The following ZNF438 variants were observed in gnomAD, a reference collection of about 807,000 sequenced individuals.
The protein encoded by ZNF438 is zinc finger protein 438.
In ZNF438, 25 loss-of-function variants were observed where a neutral mutation model predicts 38.0. The observed-to-expected ratio is 0.66, with a 90% CI of 0.48 to 0.92. The LOEUF is 0.92. ZNF438 is among the 40% of genes least tolerant of loss of function. The probability of loss-of-function intolerance (pLI) is 0.00; values close to 1 mark genes in which losing one functional copy is unlikely to be tolerated. For synonymous variants in ZNF438, 372 were observed against 364.1 expected (o/e 1.02, Z -0.25); for missense variants, 1,007 against 999.6 (o/e 1.01, Z -0.10).
In ZNF438 at chr10:30,933,772, C is replaced by T. The variant is rs552137021; in HGVS notation, c.-115+7803G>A. On this transcript the variant is annotated intron_variant, in intron 2 of 5. Transcript: ENST00000413025. ...CATGTCTACTGCCCCTTACACTTCA[C>T]TTGACCTGGCCCCAATTGCAGCTAC... 3.3e-5 allele frequency among the ~76,000 whole-genome samples: 5 copies of T among 152,282 alleles called. No homozygotes were observed. The South Asian group carries it at 6.2e-4, about 19-fold the overall frequency.
intron 3 of ZNF438, among the ~76,000 whole-genome samples, chr10:30,902,051 T>C (rs530966844): frequency 1.3e-5 from 2 of 152,242 alleles, no homozygotes; most frequent in South Asian, 2.1e-4. Flanking sequence ...AAAGGCAGTG[T>C]GGACCCAAAG....
intron 1 of ZNF438, among the ~76,000 whole-genome samples, chr10:31,005,020 T>C (rs1589687317): frequency 6.6e-6 from 1 of 152,292 alleles, no homozygotes; most frequent in African/African-American, 2.4e-5. Context: ...GGAATGCAGA[T>C]CAGTGCGGCC....
intron 4 of ZNF438, among the ~76,000 whole-genome samples, chr10:30,860,927 G>A (rs1470782952): frequency 6.6e-6 from 1 of 152,062 alleles, no homozygotes; most frequent in Non-Finnish European, 1.5e-5. Context: ...GGCCCAGAGT[G>A]GGGTTAGGGA....
At chr10:30,844,804 T>C in exon 6 of ZNF438, 1 of 951,574 alleles carries the variant, frequency 1.1e-6, no homozygotes, top group African/African-American at 1.6e-5. Flanking sequence ...TATATTTTAT[T>C]TCGTTAAGAA....
chr10:31,013,558 C>G (rs1047697058), intron 1 of ZNF438, among the ~76,000 whole-genome samples: 1 of 152,154 alleles, frequency 6.6e-6, no homozygotes, highest in Non-Finnish European at 1.5e-5. Context: ...GTTTCCTCCA[C>G]CCTCACTGAC....
At chr10:30,994,117 A>G (rs2053805863) in intron 1 of ZNF438, among the ~76,000 whole-genome samples, 1 of 152,222 alleles carries the variant, frequency 6.6e-6, no homozygotes, top group African/African-American at 2.4e-5. Context: ...GGCAAATAAC[A>G]CCATGTGTCT....
chr10:30,851,574 C>T (rs1053052067), intron 4 of ZNF438, among the ~76,000 whole-genome samples: 2 of 152,182 alleles, frequency 1.3e-5, no homozygotes, highest in Admixed American at 6.5e-5. Flanking sequence ...TAGTAAGATG[C>T]GTGTACTAAA....
chr10:30,966,603 G>A (rs1181169847), intron 1 of ZNF438, among the ~76,000 whole-genome samples: 5 of 150,020 alleles, frequency 3.3e-5, no homozygotes, highest in Non-Finnish European at 5.9e-5. Flanking sequence ...CTGGGAAGTG[G>A]AGTTTGCAGT....
chr10:30,894,220 C>T (rs1034108271), intron 3 of ZNF438, among the ~76,000 whole-genome samples: 5 of 152,088 alleles, frequency 3.3e-5, no homozygotes, highest in Admixed American at 2.0e-4. Context: ...TATTTAAACC[C>T]AAAAGAAAAT....
At chr10:30,871,421 G>A (rs2037389961) in intron 4 of ZNF438, among the ~76,000 whole-genome samples, 1 of 152,038 alleles carries the variant, frequency 6.6e-6, no homozygotes, top group Non-Finnish European at 1.5e-5. Context: ...AATTTAATAT[G>A]CATTTTGAGA....
At chr10:30,885,237 T>C (rs1588999609) in intron 3 of ZNF438, among the ~76,000 whole-genome samples, 1 of 152,230 alleles carries the variant, frequency 6.6e-6, no homozygotes. Context: ...CTTTTCTTTA[T>C]ACATTAAGAT....
chr10:30,934,912 G>T (rs936890352), intron 2 of ZNF438, among the ~76,000 whole-genome samples: 1 of 152,230 alleles, frequency 6.6e-6, no homozygotes, highest in Non-Finnish European at 1.5e-5. Context: ...GAATACCACA[G>T]TGTTTGGAAC....
intron 1 of ZNF438, among the ~76,000 whole-genome samples, chr10:30,951,306 A>T (rs2048164141): frequency 6.7e-6 from 1 of 149,480 alleles, no homozygotes; most frequent in Non-Finnish European, 1.5e-5. Context: ...TGAATGGGCA[A>T]AAACTGGAAG....
chr10:31,030,975 C>T (rs1166161234), intron 1 of ZNF438, among the ~76,000 whole-genome samples: 1 of 152,218 alleles, frequency 6.6e-6, no homozygotes, highest in African/African-American at 2.4e-5. Context: ...CTCTGCAAAA[C>T]CCAGACAACG....
At chr10:30,845,455 G>T in exon 6 of ZNF438, 1 of 1,614,126 alleles carries the variant, frequency 6.2e-7, no homozygotes, top group South Asian at 1.1e-5. Context: ...TCAAGTAAAT[G>T]AAATTTTATT....
intron 2 of ZNF438, among the ~76,000 whole-genome samples, chr10:30,927,141 C>A (rs1192078590): frequency 6.6e-6 from 1 of 152,152 alleles, no homozygotes; most frequent in African/African-American, 2.4e-5. Flanking sequence ...GGCTGCCTTG[C>A]CAGCCTGATC....
chr10:30,915,012 A>G (rs988152495), intron 2 of ZNF438, among the ~76,000 whole-genome samples: 1 of 152,050 alleles, frequency 6.6e-6, no homozygotes, highest in African/African-American at 2.4e-5. Context: ...CTTTTTTAAA[A>G]TCAAGGAACT....
chr10:30,985,033 T>C (rs1320771035), intron 1 of ZNF438, among the ~76,000 whole-genome samples: 1 of 152,194 alleles, frequency 6.6e-6, no homozygotes, highest in African/African-American at 2.4e-5. Flanking sequence ...GAGCCATGTG[T>C]GAGATGCATG....
chr10:30,962,643 T>C (rs2049620889), intron 1 of ZNF438, among the ~76,000 whole-genome samples: 1 of 147,266 alleles, frequency 6.8e-6, no homozygotes, highest in South Asian at 2.2e-4. Flanking sequence ...ACGGATCACT[T>C]AGTAATATCT....
Sources: allele counts gnomAD v4.1 joint callset (sites outside exome capture counted in the v4.1 genomes callset), GRCh38; gene constraint gnomAD v4.1.1; transcripts MANE v1.5; gene names NCBI Gene and HGNC (gene_info 2026-07-23, HGNC 2026-07-21).